The following ZNF697 variants were observed in gnomAD, a reference collection of about 807,000 sequenced individuals.
The protein encoded by ZNF697 is zinc finger protein 697.
In ZNF697, 23 loss-of-function variants were observed where a neutral mutation model predicts 32.4. The observed-to-expected ratio is 0.71, with a 90% CI of 0.51 to 1.01. ZNF697 has a LOEUF of 1.01. Among genes scored for constraint, ZNF697 ranks in the 50% least tolerant of loss-of-function variants. ZNF697 has a pLI of 0.00. For missense variants in ZNF697, 930 were observed against 794.0 expected, an observed-to-expected ratio of 1.17 and a Z score of -2.06; for synonymous variants, 418 against 337.2, an observed-to-expected ratio of 1.24 and a Z score of -2.62.
chr1:119,634,938 A>G (rs1487002329), intron 1 of ZNF697, among the ~76,000 whole-genome samples: 1 of 152,230 alleles, frequency 6.6e-6, no homozygotes, highest in Non-Finnish European at 1.5e-5. Flanking sequence ...TTTAAGAGAT[A>G]TATAATGAAA....
At chr1:119,645,783 G>GA (rs1258190385) in intron 1 of ZNF697, among the ~76,000 whole-genome samples, 1 of 151,882 alleles carries the variant, frequency 6.6e-6, no homozygotes, top group Non-Finnish European at 1.5e-5. Context: ...TGAAAGAAAA[G>GA]AAAAAAGAAG....
rs1244899587 is a variant in ZNF697 at position 119,623,119 on chromosome 1, G to A, written c.1224C>T (p.Pro408=). 2.5e-6 allele frequency: 4 copies of A among 1,591,770 alleles called. No homozygotes were observed. The South Asian group carries it at 3.4e-5, about 14-fold the overall frequency. Reference sequence around the variant, plus strand: ...TCTCGCCGCACTCGGAGCACATGTAGGGCTTCTCGCCCGTGTGCACGCGCT... The same window carrying A: ...TCTCGCCGCACTCGGAGCACATGTAAGGCTTCTCGCCCGTGTGCACGCGCT... ...KHQRVHTGEK[P]YMCSECGETF... is the part of the protein sequence containing the mutation. Residue 408 remains proline (P), a synonymous_variant, in exon 3 of 3, where the codon CCC becomes CCT. Transcript: ENST00000421812.
chr1:119,622,534 A>T lies in ZNF697; in HGVS notation c.*171T>A. The T allele has an allele frequency of 1.6e-6, 2 of 1,279,798 alleles. No homozygotes were observed. Among genetic ancestry groups the T allele is most frequent in the Non-Finnish European group, 2.1e-6 (2 of 967,100 alleles). 79.3% of individuals were successfully genotyped at this position (1,279,798 alleles called of 1,614,324 possible). A position where few individuals can be genotyped will look rare whatever the true frequency, so the allele number is the denominator to read the frequency against. On this transcript the variant is annotated 3_prime_UTR_variant, in exon 3 of 3. Coordinates refer to ENST00000421812, the MANE Select transcript of ZNF697 (RefSeq NM_001080470.2). ...GGAGGCAAGTATAGCACCGGGAAAGACCAACTTACTCAACACTCCTCCCAC... is the reference window on the plus strand; with the variant it reads ...GGAGGCAAGTATAGCACCGGGAAAGTCCAACTTACTCAACACTCCTCCCAC...
chr1:119,640,336 C>T (rs910441397), intron 1 of ZNF697, among the ~76,000 whole-genome samples: 1 of 152,138 alleles, frequency 6.6e-6, no homozygotes, highest in East Asian at 1.9e-4. Context: ...TTGGCAAAAT[C>T]ACATCAGGTA....
At position 119,623,993 on chromosome 1, in the gene ZNF697, C is replaced by T. The variant is rs200668798; in HGVS notation, c.350G>A (p.Arg117Gln). 23 of 1,612,104 alleles carry T rather than the reference C, an allele frequency of 1.4e-5. No homozygotes were observed. In the South Asian group the frequency reaches 2.2e-4, roughly 15 times the overall value. The change falls in exon 3 of 3, where the codon CGG (arginine) becomes CAG (glutamine). Residue 117 changes from arginine (R) to glutamine (Q), a missense_variant. Arg to Gln is a conservative substitution (Grantham distance 43). Transcript: ENST00000421812. ...SESDSISRSLREDDDESAGEN... is the reference protein window; with the variant it reads ...SESDSISRSLQEDDDESAGEN... ...CCCAGCACTCTCGTCGTCGTCCTCC[C>T]GGAGGCTCCGGGATATGCTGTCAGA...
At chr1:119,632,984 T>G (rs1370785920) in intron 1 of ZNF697, among the ~76,000 whole-genome samples, 1 of 152,214 alleles carries the variant, frequency 6.6e-6, no homozygotes, top group Non-Finnish European at 1.5e-5. Context: ...ACACCCTCAG[T>G]TGTTTTGTTT....
chr1:119,628,510 G>A (rs1648666007), intron 1 of ZNF697, among the ~76,000 whole-genome samples: 2 of 152,210 alleles, frequency 1.3e-5, no homozygotes, highest in Non-Finnish European at 2.9e-5. Context: ...TGCTGCCTCA[G>A]AATTAAGGCA....
In ZNF697 at chr1:119,621,958, C is replaced by A. The variant is rs587607553; in HGVS notation, c.*747G>T. The A allele has an allele frequency of 7.2e-5, 11 of 152,626 alleles. No individual in the cohort carries two copies. The highest frequency in any genetic ancestry group is 2.4e-4 in the African/African-American group (10 of 41,556). The allele number at this position is 152,626 out of a possible 1,614,324, so 9.5% of individuals were successfully genotyped here. A position where few individuals can be genotyped will look rare whatever the true frequency, so the allele number is the denominator to read the frequency against. On this transcript the variant is annotated 3_prime_UTR_variant, in exon 3 of 3. Transcript: ENST00000421812. The stretch of plus-strand genomic sequence containing the variant: ...GGGGGAGGGGGGTCATCCAGGTAAA[C>A]CACCTTGACCCAGCATGAAGCTAGA...
At chr1:119,638,351 T>C (rs2101092815) in intron 1 of ZNF697, among the ~76,000 whole-genome samples, 1 of 152,338 alleles carries the variant, frequency 6.6e-6, no homozygotes, top group South Asian at 2.1e-4. Context: ...ATTTAGTTAG[T>C]GATCCAGACC....
intron 2 of ZNF697, 117 bp downstream of exon 2, chr1:119,625,758 A>G: frequency 1.5e-6 from 2 of 1,355,922 alleles, no homozygotes; most frequent in Middle Eastern, 2.7e-4. Flanking sequence ...ATCCTGCTTA[A>G]TGGTCCCCTC....
chr1:119,625,889 G>A lies in ZNF697; in HGVS notation c.212C>T (p.Pro71Leu). 6.2e-7 allele frequency: 1 copy of A among 1,613,622 alleles called. No individual in the cohort carries two copies. Among genetic ancestry groups the A allele is most frequent in the Non-Finnish European group, 8.5e-7 (1 of 1,179,778 alleles). Reference sequence around the variant, plus strand: ...TTTCTCCTCACCTGTGCAGATGTCGGGCACTGCTTCCCTGTGCCTTGAGTC... The same window carrying A: ...TTTCTCCTCACCTGTGCAGATGTCGAGCACTGCTTCCCTGTGCCTTGAGTC... Reference protein sequence around the residue: ...PQDSRHREAVPDICTEGQLSE... With the variant: ...PQDSRHREAVLDICTEGQLSE... Residue 71 changes from proline to leucine, a missense_variant, in exon 2 of 3, where the codon CCC (proline) becomes CTC (leucine). Transcript: ENST00000421812.
chr1:119,637,171 G>A (rs1199673886), intron 1 of ZNF697, among the ~76,000 whole-genome samples: 4 of 152,174 alleles, frequency 2.6e-5, no homozygotes, highest in Admixed American at 1.3e-4. Flanking sequence ...TATCTTGCCT[G>A]CAAAGAATAA....
chr1:119,631,238 C>T (rs1011214956), intron 1 of ZNF697, among the ~76,000 whole-genome samples: 1 of 152,248 alleles, frequency 6.6e-6, no homozygotes, highest in African/African-American at 2.4e-5. Context: ...TCACGCGGCC[C>T]CTGGCGTGGA....
intron 1 of ZNF697, among the ~76,000 whole-genome samples, chr1:119,628,057 T>C (rs1038889562): frequency 2.1e-4 from 24 of 115,838 alleles, no homozygotes; most frequent in African/African-American, 7.6e-4. Context: ...AGTGCAGGCG[T>C]TGGCGGGGCG....
chr1:119,622,664 C>G lies in ZNF697; in HGVS notation c.*41G>C, dbSNP rs774632726. On this transcript the variant is annotated 3_prime_UTR_variant, in exon 3 of 3. Coordinates refer to ENST00000421812, the MANE Select transcript of ZNF697 (RefSeq NM_001080470.2). ...GGGTCAGTCCCAGGATATCTACCCC[C>G]CACAGGCTCCCCAGACGGCAGCCTC... The G allele has an allele frequency of 1.1e-5, 16 of 1,473,390 alleles. No homozygotes were observed. In the South Asian group the frequency reaches 2.2e-4, roughly 20 times the overall value. 91.3% of individuals were successfully genotyped at this position (1,473,390 alleles called of 1,614,324 possible).
At chr1:119,631,736 G>A (rs1045203690) in intron 1 of ZNF697, among the ~76,000 whole-genome samples, 4 of 152,306 alleles carry the variant, frequency 2.6e-5, no homozygotes, top group South Asian at 2.1e-4. Context: ...CCCGGCGGGC[G>A]GCGGGCCAGG....
intron 1 of ZNF697, among the ~76,000 whole-genome samples, chr1:119,637,953 G>T (rs756828657): frequency 6.6e-5 from 10 of 151,734 alleles, no homozygotes; most frequent in Admixed American, 1.3e-4. Context: ...GAGAGAGAGA[G>T]AGAGAAAGAG....
chr1:119,623,495 T>C lies in ZNF697; in HGVS notation c.848A>G (p.His283Arg). 1 of 1,570,128 alleles carries C rather than the reference T, an allele frequency of 6.4e-7. No individual in the cohort carries two copies. The highest frequency in any genetic ancestry group is 8.6e-7 in the Non-Finnish European group (1 of 1,159,592). The change falls in exon 3 of 3, where the codon CAC becomes CGC. Residue 283 changes from histidine (H) to arginine (R), a missense_variant. Physicochemically the swap from His to Arg is conservative, Grantham distance 29. Transcript: ENST00000421812. ...NTYLTNHLRL[H>R]TGERPNLCAD... ...GCACAGGTTGGGCCGCTCGCCCGTG[T>C]GCAGGCGCAGGTGGTTGGTCAGGTA... is the stretch of plus-strand genomic sequence containing the variant.
rs1648304768 is a variant in ZNF697, at chr1:119,621,376, T to C, written c.*1329A>G. 6.6e-6 allele frequency: 1 copy of C among 152,642 alleles called. No individual in the cohort carries two copies. The highest frequency in any genetic ancestry group is 1.5e-5 in the Non-Finnish European group (1 of 68,046). 9.5% of individuals were successfully genotyped at this position (152,642 alleles called of 1,614,324 possible). A position where few individuals can be genotyped will look rare whatever the true frequency, so the allele number is the denominator to read the frequency against. On this transcript the variant is annotated 3_prime_UTR_variant, in exon 3 of 3. Coordinates refer to ENST00000421812, the MANE Select transcript of ZNF697 (RefSeq NM_001080470.2). Reference sequence around the variant, plus strand: ...GTCATAATACTGATCTAACTCACAATGATGTGAGAAACAGCTAACAATTAT... The same window carrying C: ...GTCATAATACTGATCTAACTCACAACGATGTGAGAAACAGCTAACAATTAT...
Sources: gnomAD v4.1 joint callset for allele counts (sites outside exome capture counted in the v4.1 genomes callset) on GRCh38, gnomAD v4.1.1 for gene constraint, MANE v1.5 for transcripts, NCBI Gene and HGNC (gene_info 2026-07-23, HGNC 2026-07-21) for gene names.